Variants in LAP3 observed in about 807,000 individuals in gnomAD.
The protein encoded by LAP3 is leucine aminopeptidase 3.
LAP3 carries 46 observed loss-of-function variants against 58.8 expected under a neutral mutation model. The ratio of observed to expected loss-of-function variants is 0.78; its 90% CI spans 0.62 to 1.00. The LOEUF (loss-of-function observed/expected upper bound fraction) is 1.00. LAP3 is among the 50% of genes least tolerant of loss of function. The probability of loss-of-function intolerance (pLI) is 0.00; values close to 1 mark genes in which losing one functional copy is unlikely to be tolerated. For synonymous variants in LAP3, 257 were observed against 237.7 expected (o/e 1.08, Z -0.75); for missense variants, 615 against 659.1 (o/e 0.93, Z 0.73).
intron 3 of LAP3, 122 bp from the exon 4 acceptor site, chr4:17,582,165 GC>G: frequency 1.3e-6 from 1 of 786,650 alleles, no homozygotes; most frequent in South Asian, 1.7e-5. Context: ...CGTGCGTTTA[GC>G]CCTGTTGCTG....
At chr4:17,601,361 C>G (rs907422409) in intron 10 of LAP3, among the ~76,000 whole-genome samples, 1 of 152,152 alleles carries the variant, frequency 6.6e-6, no homozygotes, top group African/African-American at 2.4e-5. Context: ...GTGGTCCCAA[C>G]TGGACCACCT....
At position 17,590,885 on chromosome 4, in the gene LAP3, A is replaced by C. The variant is rs182448748; in HGVS notation, c.863+1908A>C. Among the ~76,000 whole-genome samples, 358 of 148,042 alleles carry C rather than the reference A, an allele frequency of 2.4e-3. 1 individual carries two copies. Among genetic ancestry groups the C allele is most frequent in the Non-Finnish European group, 4.0e-3 (267 of 67,384 alleles). ...GCGCCTGGCCACTAAAGTGTGTATTATAAAAACAATACAGCAAACACAATT... is the reference window on the plus strand; with the variant it reads ...GCGCCTGGCCACTAAAGTGTGTATTCTAAAAACAATACAGCAAACACAATT... On this transcript the variant is annotated intron_variant, in intron 7 of 12. Transcript: ENST00000226299.
At chr4:17,603,981 C>T (rs1714050308) in intron 10 of LAP3, among the ~76,000 whole-genome samples, 1 of 152,014 alleles carries the variant, frequency 6.6e-6, no homozygotes. Flanking sequence ...GCACCACGCT[C>T]AGCTAATTTT....
In LAP3 at chr4:17,585,274, GGAGCTGGAATA is replaced by G. The variant is rs764523677; in HGVS notation, c.704+145_704+155del. 1,431 of 653,864 alleles carry G rather than the reference GGAGCTGGAATA, an allele frequency of 2.2e-3. 5 individuals carry two copies. Among genetic ancestry groups the G allele is most frequent in the Non-Finnish European group, 3.4e-3 (1,298 of 377,004 alleles). 40.5% of individuals were successfully genotyped at this position (653,864 alleles called of 1,614,324 possible). A position where few individuals can be genotyped will look rare whatever the true frequency, so the allele number is the denominator to read the frequency against. On this transcript the variant is annotated intron_variant, in intron 6 of 12. Transcript: ENST00000226299. Reference sequence around the variant, plus strand: ...AGATGACCCACTTGGGTCCACATGGGGAGCTGGAATAGAGCTGAGTTTGAGGTTCTTTCTAT... The same window carrying G: ...AGATGACCCACTTGGGTCCACATGGGGAGCTGAGTTTGAGGTTCTTTCTAT...
At chr4:17,592,190 TACA>T (rs1225820975) in intron 7 of LAP3, among the ~76,000 whole-genome samples, 1 of 152,136 alleles carries the variant, frequency 6.6e-6, no homozygotes, top group Non-Finnish European at 1.5e-5. Flanking sequence ...GTCAGGAAAA[TACA>T]ACATTTTTAT....
chr4:17,589,059 TTTGA>T lies in LAP3; in HGVS notation c.863+85_863+88del, dbSNP rs776219451. 6.9e-4 allele frequency: 975 copies of T among 1,411,992 alleles called. 1 individual carries two copies. The highest frequency in any genetic ancestry group is 7.7e-4 in the Non-Finnish European group (824 of 1,064,820). The allele number at this position is 1,411,992 out of a possible 1,614,324, so 87.5% of individuals were successfully genotyped here. On this transcript the variant is annotated intron_variant, in intron 7 of 12. Coordinates refer to ENST00000226299, the MANE Select transcript of LAP3 (RefSeq NM_015907.3). ...ATTACTTGGTTATAGGGTTTTTTGG[TTTGA>T]TTTTTTTTTTTTTTTGAGGCAGAGT...
intron 6 of LAP3, among the ~76,000 whole-genome samples, chr4:17,587,995 C>T (rs777917107): frequency 5.4e-5 from 8 of 148,076 alleles, no homozygotes; most frequent in Non-Finnish European, 1.2e-4. Context: ...CCTTACCTAT[C>T]TTTAAGCACT....
chr4:17,593,798 A>C (rs1293954768), intron 7 of LAP3, among the ~76,000 whole-genome samples: 1 of 151,466 alleles, frequency 6.6e-6, no homozygotes, highest in Non-Finnish European at 1.5e-5. Flanking sequence ...TTTTTTATAG[A>C]GATGGGGTTT....
At chr4:17,585,896 T>A (rs1713501140) in intron 6 of LAP3, 1 of 152,274 alleles carries the variant, frequency 6.6e-6, no homozygotes, top group African/African-American at 2.4e-5. Flanking sequence ...CTTTTTGGTA[T>A]ATGCCTAGGA....
chr4:17,591,692 A>G (rs955242814), intron 7 of LAP3, among the ~76,000 whole-genome samples: 1 of 152,154 alleles, frequency 6.6e-6, no homozygotes, highest in Non-Finnish European at 1.5e-5. Context: ...AACATGGTGA[A>G]GGCTGTAAGG....
rs867134570 is a variant in LAP3, at chr4:17,577,475, C to G, written c.10C>G (p.Leu4Val). 1.9e-5 allele frequency: 30 copies of G among 1,578,054 alleles called. No homozygotes were observed. In the South Asian group the frequency reaches 3.4e-4, roughly 18 times the overall value. The change falls in exon 1 of 13, where the codon CTG (leucine) becomes GTG (valine). Residue 4 changes from leucine to valine, a missense_variant. Transcript: ENST00000226299. ...GGGCCGAGCCGACAAGATGTTCTTGCTGCCTCTTCCGGCTGCGGGGCGAGT... is the reference window on the plus strand; with the variant it reads ...GGGCCGAGCCGACAAGATGTTCTTGGTGCCTCTTCCGGCTGCGGGGCGAGT... MFL[L>V]PLPAAGRVVV...
intron 7 of LAP3, among the ~76,000 whole-genome samples, chr4:17,593,813 G>A (rs571951549): frequency 7.3e-5 from 11 of 151,514 alleles, no homozygotes; most frequent in East Asian, 2.0e-4. Flanking sequence ...GGGTTTTGCC[G>A]TGTTGCCCAA....
intron 1 of LAP3, 97 bp from the exon 2 acceptor site, chr4:17,579,727 T>C (rs1713300789): frequency 4.8e-6 from 3 of 624,006 alleles, no homozygotes; most frequent in Non-Finnish European, 8.2e-6. Flanking sequence ...ACGGTTTGGG[T>C]GGAATTATTT....
chr4:17,577,617 G>T lies in LAP3; in HGVS notation c.102+50G>T, dbSNP rs541653459. 10 of 1,392,308 alleles carry T rather than the reference G, an allele frequency of 7.2e-6. No homozygotes were observed. In the South Asian group the frequency reaches 1.3e-4, roughly 18 times the overall value. 86.2% of individuals were successfully genotyped at this position (1,392,308 alleles called of 1,614,324 possible). A position where few individuals can be genotyped will look rare whatever the true frequency, so the allele number is the denominator to read the frequency against. On this transcript the variant is annotated intron_variant, in intron 1 of 12. Transcript: ENST00000226299. ...GTCCGCCGCTGGGGCCCTGCCCGTGGGCTACTGGGGCTGCGGGGCTGGTCG... is the reference window on the plus strand; with the variant it reads ...GTCCGCCGCTGGGGCCCTGCCCGTGTGCTACTGGGGCTGCGGGGCTGGTCG...
chr4:17,602,264 A>G (rs1231709749), intron 10 of LAP3, among the ~76,000 whole-genome samples: 1 of 152,116 alleles, frequency 6.6e-6, no homozygotes, highest in African/African-American at 2.4e-5. Flanking sequence ...TCTGGGCCCT[A>G]AGGATATGCC....
Position 17,597,224 on chromosome 4 carries a change from G to A in LAP3, c.1077+90G>A, listed in dbSNP as rs1327520706. ...TAACCACAGCTAGGATGCGTGCAGA[G>A]CCCCAGAACCATATTAGGGGAGGGT... On this transcript the variant is annotated intron_variant, in intron 9 of 12. Transcript: ENST00000226299. The A allele has an allele frequency of 1.2e-4, 129 of 1,046,778 alleles. 1 individual carries two copies. In the Admixed American group the frequency reaches 2.1e-3, roughly 17 times the overall value. The allele number at this position is 1,046,778 out of a possible 1,614,324, so 64.8% of individuals were successfully genotyped here.
chr4:17,582,630 T>G, intron 4 of LAP3: 1 of 390,154 alleles, frequency 2.6e-6, no homozygotes, highest in Non-Finnish European at 4.7e-6. Context: ...GGTGTTTTAC[T>G]ACCATTTGTT....
chr4:17,603,649 G>A (rs1404243530), intron 10 of LAP3, among the ~76,000 whole-genome samples: 1 of 151,726 alleles, frequency 6.6e-6, no homozygotes, highest in African/African-American at 2.4e-5. Context: ...CTGAGTAGCT[G>A]GGATTACAGG....
chr4:17,595,415 G>T lies in LAP3; in HGVS notation c.869G>T (p.Gly290Val). The change falls in exon 8 of 13, where the codon GGT becomes GTT. Residue 290 changes from glycine to valine, a missense_variant. Gly to Val is a moderately radical substitution (Grantham distance 109). Transcript: ENST00000226299. ...VGKGITFDSGGISIKASANMD... is the reference protein window; with the variant it reads ...VGKGITFDSGVISIKASANMD... ...CGTTGTCCATTTCCCCATAGTGGTG[G>T]TATCTCCATCAAGGCTTCTGCAAAT... 6.2e-7 allele frequency: 1 copy of T among 1,613,780 alleles called. No individual in the cohort carries two copies. The highest frequency in any genetic ancestry group is 8.5e-7 in the Non-Finnish European group (1 of 1,179,888).
Sources: allele counts gnomAD v4.1 joint callset (sites outside exome capture counted in the v4.1 genomes callset), GRCh38; gene constraint gnomAD v4.1.1; transcripts MANE v1.5; gene names NCBI Gene and HGNC (gene_info 2026-07-23, HGNC 2026-07-21).